VPS37A: variants seen among roughly 807,000 people sequenced by gnomAD.
VPS37A encodes vacuolar protein sorting-associated protein 37A.
In VPS37A, 30 loss-of-function variants were observed where a neutral mutation model predicts 49.8. The ratio of observed to expected loss-of-function variants is 0.60; its 90% confidence interval spans 0.45 to 0.82. The LOEUF (loss-of-function observed/expected upper bound fraction) is 0.82, where lower values mean the gene tolerates loss of function less well. Among genes scored for constraint, VPS37A ranks in the 40% least tolerant of loss-of-function variants. The probability of loss-of-function intolerance (pLI) is 0.00; values close to 1 mark genes in which losing one functional copy is unlikely to be tolerated. For missense variants in VPS37A, 593 were observed against 464.4 expected (o/e 1.28, Z -2.55); for synonymous variants, 195 against 160.6 (o/e 1.21, Z -1.62).
chr8:17,251,629 C>T (rs1811986795), intron 1 of VPS37A, among the ~76,000 whole-genome samples: 1 of 152,150 alleles, frequency 6.6e-6, no homozygotes, highest in African/African-American at 2.4e-5. Context: ...CAAGTCCATT[C>T]CAGACAGTTA....
At chr8:17,269,976 G>A (rs887007028) in intron 4 of VPS37A, among the ~76,000 whole-genome samples, 1 of 151,988 alleles carries the variant, frequency 6.6e-6, no homozygotes, top group African/African-American at 2.4e-5. Flanking sequence ...GGCATCTGAG[G>A]AGCTTTTACT....
chr8:17,277,711 C>T (rs1814649675), intron 6 of VPS37A, among the ~76,000 whole-genome samples: 1 of 151,850 alleles, frequency 6.6e-6, no homozygotes, highest in African/African-American at 2.4e-5. Context: ...TTAATATTAC[C>T]TTATTTCTCC....
downstream of VPS37A, chr8:17,301,869 T>A (rs192827288): frequency 9.1e-4 from 380 of 416,116 alleles, 1 homozygote; most frequent in Non-Finnish European, 1.4e-3. Context: ...AAAAAATTAA[T>A]TTTACTACTC....
At chr8:17,314,071 G>T in the VPS37A span, among the ~76,000 whole-genome samples, 6 of 152,286 alleles carry the variant, frequency 3.9e-5, no homozygotes, top group East Asian at 5.8e-4. Flanking sequence ...ACTAAGGCAG[G>T]TGTATAAACA....
intron 11 of VPS37A, among the ~76,000 whole-genome samples, chr8:17,286,843 G>T (rs1380581267): frequency 6.6e-6 from 1 of 152,032 alleles, no homozygotes; most frequent in Non-Finnish European, 1.5e-5. Context: ...TAATTCACCT[G>T]TCCCCACGAC....
rs891169651 is a variant in VPS37A at position 17,259,194 on chromosome 8, T to C, written c.126-6713T>C. Among the ~76,000 whole-genome samples, 6 of 152,126 alleles carry C rather than the reference T, an allele frequency of 3.9e-5. 1 individual carries two copies. The highest frequency in any genetic ancestry group is 1.4e-4 in the African/African-American group (6 of 41,458). ...TGTTTATTTGAAGTCTTTTTACTTT[T>C]TTGATACAGTCATTTATTGCTATAA... On this transcript the variant is annotated intron_variant, in intron 1 of 11. Transcript: ENST00000324849.
downstream of VPS37A, chr8:17,305,739 A>T: frequency 6.3e-7 from 1 of 1,583,902 alleles, no homozygotes; most frequent in African/African-American, 1.4e-5. Context: ...TAAACACCAA[A>T]AACACCAAAA....
chr8:17,315,169 G>C, the VPS37A span, among the ~76,000 whole-genome samples: 5 of 152,168 alleles, frequency 3.3e-5, no homozygotes, highest in Admixed American at 3.3e-4. Flanking sequence ...GTGATAAAAG[G>C]AGATGAGCTA....
rs1325136297 is a variant in VPS37A, at chr8:17,276,447, T to A, written c.693T>A (p.Phe231Leu). ...GYKMPDVPDA[F>L]PELSELSVSQ... ...AGATGCCAGATGTCCCTGATGCATT[T>A]CCAGAACTCTCAGAACTAAGGTAAA... The change falls in exon 6 of 12, where the codon TTT (phenylalanine) becomes TTA (leucine). Residue 231 changes from phenylalanine to leucine, a missense_variant. Transcript: ENST00000324849. 4.3e-6 allele frequency: 7 copies of A among 1,612,136 alleles called. No individual in the cohort carries two copies. The highest frequency in any genetic ancestry group is 5.9e-6 in the Non-Finnish European group (7 of 1,179,168).
At chr8:17,247,394 G>T in intron 1 of VPS37A, 25 bp downstream of exon 1, 1 of 593,480 alleles carries the variant, frequency 1.7e-6, no homozygotes, top group Non-Finnish European at 2.8e-6. Flanking sequence ...CCTCTCCACC[G>T]GAGGAAAAAG....
At chr8:17,293,568 A>C (rs1243926385) in intron 11 of VPS37A, among the ~76,000 whole-genome samples, 1 of 151,936 alleles carries the variant, frequency 6.6e-6, no homozygotes, top group Non-Finnish European at 1.5e-5. Context: ...GCCTTTTTGC[A>C]CTGGTTTTTC....
chr8:17,268,194 T>G, intron 2 of VPS37A, 64 bp from the exon 3 acceptor site: 1 of 1,148,050 alleles, frequency 8.7e-7, no homozygotes, highest in Non-Finnish European at 1.3e-6. Context: ...GTTTTAAGAT[T>G]TTGACCATAT....
chr8:17,252,886 C>T (rs1166162305), intron 1 of VPS37A, among the ~76,000 whole-genome samples: 1 of 152,222 alleles, frequency 6.6e-6, no homozygotes, highest in Non-Finnish European at 1.5e-5. Flanking sequence ...AACATTTTGA[C>T]TGTGTAAATG....
chr8:17,253,157 C>T (rs1161555412), intron 1 of VPS37A, among the ~76,000 whole-genome samples: 1 of 152,142 alleles, frequency 6.6e-6, no homozygotes, highest in Non-Finnish European at 1.5e-5. Context: ...TTCTCCATTG[C>T]TAGTTAAATC....
At chr8:17,269,969 A>G (rs1178486809) in intron 4 of VPS37A, among the ~76,000 whole-genome samples, 1 of 152,128 alleles carries the variant, frequency 6.6e-6, no homozygotes, top group Non-Finnish European at 1.5e-5. Context: ...TCTGCTTGGC[A>G]TCTGAGGAGC....
At chr8:17,323,652 G>C in the VPS37A span, among the ~76,000 whole-genome samples, 5 of 152,068 alleles carry the variant, frequency 3.3e-5, no homozygotes, top group African/African-American at 1.2e-4. Context: ...CCGCAGGGGT[G>C]GGGGGTCATT....
downstream of VPS37A, chr8:17,305,782 T>G: frequency 1.2e-6 from 2 of 1,613,118 alleles, no homozygotes; most frequent in South Asian, 1.1e-5. Flanking sequence ...TCCTTTTGGC[T>G]GTTACATAGG....
chr8:17,302,037 C>A (rs150330489), downstream of VPS37A: 2,719 of 1,373,094 alleles, frequency 2.0e-3, 3 homozygotes, highest in Non-Finnish European at 2.5e-3. Context: ...TTCAGGTGTT[C>A]TACTGACTAA....
intron 11 of VPS37A, among the ~76,000 whole-genome samples, chr8:17,286,856 G>C (rs1815645512): frequency 6.6e-6 from 1 of 152,092 alleles, no homozygotes; most frequent in African/African-American, 2.4e-5. Context: ...CCCACGACTT[G>C]AGGGTTCTCT....
Sources: gnomAD v4.1 joint callset for allele counts (sites outside exome capture counted in the v4.1 genomes callset) on GRCh38, gnomAD v4.1.1 for gene constraint, MANE v1.5 for transcripts, NCBI Gene and HGNC (gene_info 2026-07-23, HGNC 2026-07-21) for gene names.